The following KCNT2 variants were observed in gnomAD, a reference collection of about 807,000 sequenced individuals.
KCNT2 encodes potassium sodium-activated channel subfamily T member 2.
A neutral mutation model predicts 153.8 loss-of-function variants in KCNT2; 67 were observed. The observed-to-expected ratio is 0.44, with a 90% CI of 0.36 to 0.53. The LOEUF is 0.53. Among genes scored for constraint, KCNT2 ranks in the 20% least tolerant of loss-of-function variants. The pLI, the probability that KCNT2 is intolerant of heterozygous loss-of-function variation, is 0.00. For missense variants in KCNT2, 975 were observed against 1,354.8 expected, an observed-to-expected ratio of 0.72 and a Z score of 4.40; for synonymous variants, 500 against 458.8, an observed-to-expected ratio of 1.09 and a Z score of -1.15.
At chr1:196,378,799 C>CATTGTATATATAATTATATATATATATT in intron 13 of KCNT2, among the ~76,000 whole-genome samples, 1 of 146,792 alleles carries the variant, frequency 6.8e-6, no homozygotes, top group South Asian at 2.1e-4. Flanking sequence ...ATGTAAACAA[C>CATTGTATATATAATTATATATATATATT]ATTGTATATA....
chr1:196,322,558 T>G (rs1379735355), intron 19 of KCNT2, among the ~76,000 whole-genome samples: 1 of 151,910 alleles, frequency 6.6e-6, no homozygotes, highest in Admixed American at 6.6e-5. Flanking sequence ...TGACGACTTA[T>G]GAGCCAAAAG....
At position 196,511,116 on chromosome 1, in the gene KCNT2, AACACACACACAC is replaced by A. The variant is rs35177032; in HGVS notation, c.96-18787_96-18776del. On this transcript the variant is annotated intron_variant, in intron 1 of 27. Transcript: ENST00000294725. The stretch of plus-strand genomic sequence containing the variant: ...TTATTACACATACGTAAACACACAC[AACACACACACAC>A]ACACACACACACACACACACACACA... 8.2e-3 allele frequency among the ~76,000 whole-genome samples: 1,202 copies of A among 146,554 alleles called. 11 individuals carry two copies. The highest frequency in any genetic ancestry group is 9.3e-3 in the South Asian group (42 of 4,528).
intron 21 of KCNT2, among the ~76,000 whole-genome samples, chr1:196,308,030 AAT>A (rs371645563): frequency 3.2e-4 from 48 of 152,176 alleles, no homozygotes; most frequent in Admixed American, 1.1e-3. Flanking sequence ...TAAAATGAAA[AAT>A]AGGACAAAAA....
chr1:196,232,750 T>C (rs1301958712), intron 27 of KCNT2, among the ~76,000 whole-genome samples: 1 of 151,486 alleles, frequency 6.6e-6, no homozygotes, highest in Non-Finnish European at 1.5e-5. Context: ...TTAAACATCA[T>C]TTGAAATCAA....
intron 7 of KCNT2, among the ~76,000 whole-genome samples, chr1:196,465,680 C>A (rs73067684): frequency 0.045 from 6,855 of 151,822 alleles, 518 homozygotes; most frequent in African/African-American, 0.16. Context: ...CTTACTCCCC[C>A]AAACCCCTAC....
intron 26 of KCNT2, among the ~76,000 whole-genome samples, chr1:196,241,407 C>T (rs1654949124): frequency 6.6e-6 from 1 of 151,864 alleles, no homozygotes; most frequent in Admixed American, 6.6e-5. Context: ...CTCATGTATT[C>T]CAGTTTAGTG....
intron 1 of KCNT2, among the ~76,000 whole-genome samples, chr1:196,558,253 T>A (rs1225747998): frequency 6.6e-6 from 1 of 151,528 alleles, no homozygotes; most frequent in Non-Finnish European, 1.5e-5. Flanking sequence ...CATGAAAATA[T>A]GCACATTCAA....
At chr1:196,256,619 T>C (rs1412755108) in intron 26 of KCNT2, among the ~76,000 whole-genome samples, 3 of 151,530 alleles carry the variant, frequency 2.0e-5, no homozygotes, top group African/African-American at 7.3e-5. Context: ...TTATTTTTCT[T>C]TAGACAATAT....
chr1:196,415,527 T>A (rs1472293824), intron 12 of KCNT2, among the ~76,000 whole-genome samples: 1 of 151,104 alleles, frequency 6.6e-6, no homozygotes, highest in African/African-American at 2.4e-5. Context: ...TATATATATA[T>A]AAATAAATGG....
chr1:196,315,930 T>C lies in KCNT2; in HGVS notation c.2445A>G (p.Ala815=), dbSNP rs769074832. 23 of 1,607,886 alleles carry C rather than the reference T, an allele frequency of 1.4e-5. No individual in the cohort carries two copies. The highest frequency in any genetic ancestry group is 6.7e-5 in the Admixed American group (4 of 59,288). Residue 815 remains alanine (A), a synonymous_variant, in exon 21 of 28, where the codon GCA becomes GCG. Transcript: ENST00000294725. ...STMSAEEDYM[A]DAKTIVNVQT... ...GCACGTTCACAATGGTTTTGGCATC[T>C]GCCATGTAGTCTTCCTCGGCACTCA... is the stretch of plus-strand genomic sequence containing the variant.
intron 1 of KCNT2, among the ~76,000 whole-genome samples, chr1:196,584,759 A>G (rs1662470954): frequency 6.6e-6 from 1 of 152,142 alleles, no homozygotes; most frequent in Non-Finnish European, 1.5e-5. Context: ...CTTGGGACTC[A>G]GGAGGAAGTT....
chr1:196,373,356 A>C lies in KCNT2; in HGVS notation c.1295-108T>G, dbSNP rs541591332. The C allele has an allele frequency of 4.6e-5, 29 of 624,940 alleles. No homozygotes were observed. The African/African-American group carries it at 5.2e-4, about 11-fold the overall frequency. The allele number at this position is 624,940 out of a possible 1,614,324, so 38.7% of individuals were successfully genotyped here. A position where few individuals can be genotyped will look rare whatever the true frequency, so the allele number is the denominator to read the frequency against. ...ATGGTAAAAGTCTCAATATAAACAT[A>C]CTTGTTTTAGAGATGTTTTTACAAG... On this transcript the variant is annotated intron_variant, in intron 13 of 27. Transcript: ENST00000294725.
intron 14 of KCNT2, among the ~76,000 whole-genome samples, chr1:196,348,208 A>T (rs1439935882): frequency 7.5e-6 from 1 of 133,324 alleles, no homozygotes; most frequent in Non-Finnish European, 1.7e-5. Flanking sequence ...ATTAGAATTA[A>T]AAAAAAAAAA....
At chr1:196,257,475 C>T (rs548237233) in intron 26 of KCNT2, 13 of 977,234 alleles carry the variant, frequency 1.3e-5, no homozygotes, top group Middle Eastern at 5.3e-4. Context: ...TATTTATATA[C>T]GTAAAATAAA....
intron 14 of KCNT2, among the ~76,000 whole-genome samples, chr1:196,344,285 G>T (rs761661900): frequency 6.6e-6 from 1 of 152,040 alleles, no homozygotes; most frequent in Non-Finnish European, 1.5e-5. Context: ...CTAAATTCCG[G>T]AGCTATTTTA....
At chr1:196,336,138 T>A (rs1665008055) in intron 16 of KCNT2, among the ~76,000 whole-genome samples, 1 of 152,148 alleles carries the variant, frequency 6.6e-6, no homozygotes, top group Non-Finnish European at 1.5e-5. Context: ...CCACATTGTC[T>A]GTCCTGATTT....
chr1:196,452,730 T>G (rs981103204), intron 8 of KCNT2, among the ~76,000 whole-genome samples: 1 of 151,954 alleles, frequency 6.6e-6, no homozygotes, highest in Non-Finnish European at 1.5e-5. Flanking sequence ...ATAGATGGTA[T>G]TATAAGGAAT....
chr1:196,302,036 A>T (rs1256294727), intron 22 of KCNT2, among the ~76,000 whole-genome samples: 1 of 152,120 alleles, frequency 6.6e-6, no homozygotes, highest in Admixed American at 6.5e-5. Context: ...CACCACGCCC[A>T]GCTGTGATTT....
intron 8 of KCNT2, among the ~76,000 whole-genome samples, chr1:196,455,143 T>C (rs1435748686): frequency 6.6e-6 from 1 of 151,962 alleles, no homozygotes; most frequent in Non-Finnish European, 1.5e-5. Flanking sequence ...TTATAGTGCA[T>C]TTATTTGACG....
Sources: gnomAD v4.1 joint callset for allele counts (sites outside exome capture counted in the v4.1 genomes callset) on GRCh38, gnomAD v4.1.1 for gene constraint, MANE v1.5 for transcripts, NCBI Gene and HGNC (gene_info 2026-07-23, HGNC 2026-07-21) for gene names.